ZFHX3: variants seen among roughly 807,000 people sequenced by gnomAD.
The protein encoded by ZFHX3 is zinc finger homeobox protein 3.
In ZFHX3, 42 loss-of-function variants were observed where a neutral mutation model predicts 279.1. That is an observed-to-expected ratio of 0.15 (90% confidence interval 0.12 to 0.19). ZFHX3 has a LOEUF of 0.19. ZFHX3 is among the 10% of genes least tolerant of loss of function. ZFHX3 has a pLI of 1.00. For synonymous variants in ZFHX3, 2,293 were observed against 1,957.8 expected (o/e 1.17, Z -4.52); for missense variants, 4,981 against 4,754.0 (o/e 1.05, Z -1.40).
At chr16:73,861,605 T>C (rs1028918315) in intron 1 of ZFHX3, among the ~76,000 whole-genome samples, 19 of 152,210 alleles carry the variant, frequency 1.2e-4, no homozygotes, top group South Asian at 2.1e-4. Flanking sequence ...TCCCACTCAC[T>C]CCCAGTAGTG....
chr16:72,849,130 C>T (rs957723218), intron 4 of ZFHX3, among the ~76,000 whole-genome samples: 6 of 152,210 alleles, frequency 3.9e-5, no homozygotes, highest in African/African-American at 1.2e-4. Context: ...GGCCAACGCC[C>T]GCCCTCCAGG....
At chr16:73,381,656 T>C (rs1322222469) in intron 3 of ZFHX3, among the ~76,000 whole-genome samples, 1 of 152,228 alleles carries the variant, frequency 6.6e-6, no homozygotes, top group Non-Finnish European at 1.5e-5. Flanking sequence ...GTAAATATTT[T>C]AGACCAGGAA....
At position 73,836,900 on chromosome 16, in the gene ZFHX3, T is replaced by G. The variant is rs1961156945; in HGVS notation, c.-1608+54751A>C. Among the ~76,000 whole-genome samples, 3 of 152,216 alleles carry G rather than the reference T, an allele frequency of 2.0e-5. No homozygotes were observed. The East Asian group carries it at 5.8e-4, about 29-fold the overall frequency. ...TGGGTTGTTATAAAGTGAGGTTGCC[T>G]CTCATCTTCTGCCTCCTTGGCAAGC... On this transcript the variant is annotated intron_variant, in intron 1 of 17. Coordinates refer to the ZFHX3 transcript ENST00000641206.
Position 72,959,348 on chromosome 16 carries a change from C to T in ZFHX3, c.798G>A (p.Leu266=). 6.2e-7 allele frequency: 1 copy of T among 1,614,242 alleles called. No individual in the cohort carries two copies. The highest frequency in any genetic ancestry group is 8.5e-7 in the Non-Finnish European group (1 of 1,180,042). Reference sequence around the variant, plus strand: ...AGAGCACAAAGCCATCGAATTTGGACAGGTCCACATTGTTGGGAACATCTT... The same window carrying T: ...AGAGCACAAAGCCATCGAATTTGGATAGGTCCACATTGTTGGGAACATCTT... ...VSKDVPNNVD[L]SKFDGFVLYG... is the part of the protein sequence containing the mutation. Residue 266 remains leucine (L), a synonymous_variant, in exon 2 of 10, where the codon CTG becomes CTA. Coordinates refer to ENST00000268489, the MANE Select transcript of ZFHX3 (RefSeq NM_006885.4).
At chr16:73,418,416 T>C (rs2017641946) in intron 3 of ZFHX3, among the ~76,000 whole-genome samples, 1 of 152,188 alleles carries the variant, frequency 6.6e-6, no homozygotes. Context: ...GAGAAGTGGG[T>C]ACCCAGGGAA....
At chr16:73,469,277 C>T (rs557295422) in intron 2 of ZFHX3, among the ~76,000 whole-genome samples, 1 of 152,198 alleles carries the variant, frequency 6.6e-6, no homozygotes, top group East Asian at 1.9e-4. Context: ...AACACTGGTC[C>T]AAGAGAACTT....
intron 5 of ZFHX3, among the ~76,000 whole-genome samples, chr16:73,193,218 T>C (rs1968080078): frequency 6.6e-6 from 1 of 152,166 alleles, no homozygotes; most frequent in Non-Finnish European, 1.5e-5. Flanking sequence ...CCTGAAGATG[T>C]GGGTCCTATT....
intron 7 of ZFHX3, among the ~76,000 whole-genome samples, chr16:72,802,715 A>G (rs1217073146): frequency 2.0e-5 from 3 of 152,182 alleles, no homozygotes; most frequent in African/African-American, 7.2e-5. Context: ...CTGCCTTGCT[A>G]CACAGGCTAC....
intron 1 of ZFHX3, among the ~76,000 whole-genome samples, chr16:73,037,253 G>T (rs1964943169): frequency 6.6e-6 from 1 of 152,164 alleles, no homozygotes. Flanking sequence ...CAAATATCCG[G>T]TTGCTATTCA....
chr16:73,174,863 C>CAAAAAAAAAA (rs34447211), intron 5 of ZFHX3, among the ~76,000 whole-genome samples: 15 of 86,758 alleles, frequency 1.7e-4, no homozygotes, highest in South Asian at 4.1e-4. Flanking sequence ...ACTAAAAATA[C>CAAAAAAAAAA]AAAAAAAAAA....
intron 2 of ZFHX3, among the ~76,000 whole-genome samples, chr16:73,555,449 C>T (rs1225514837): frequency 6.6e-6 from 1 of 151,982 alleles, no homozygotes; most frequent in Non-Finnish European, 1.5e-5. Context: ...CCACCGCGCC[C>T]GGCCGCCATG....
intron 2 of ZFHX3, among the ~76,000 whole-genome samples, chr16:73,461,942 A>G (rs2018478379): frequency 6.6e-6 from 1 of 152,192 alleles, no homozygotes; most frequent in Non-Finnish European, 1.5e-5. Context: ...GACTAAGCCT[A>G]TATATCAGTT....
chr16:73,037,722 G>C (rs1460413855), intron 1 of ZFHX3, among the ~76,000 whole-genome samples: 4 of 152,260 alleles, frequency 2.6e-5, no homozygotes, highest in African/African-American at 7.2e-5. Flanking sequence ...AGGGCACCCA[G>C]GAGCAGAAAT....
intron 4 of ZFHX3, among the ~76,000 whole-genome samples, chr16:73,279,912 A>C (rs2143057432): frequency 2.0e-5 from 3 of 152,352 alleles, no homozygotes; most frequent in Admixed American, 2.0e-4. Context: ...AAGGTTTGTG[A>C]AAAACAGATA....
intron 1 of ZFHX3, among the ~76,000 whole-genome samples, chr16:73,883,427 GTA>G (rs370660977): frequency 0.015 from 2,105 of 142,384 alleles, 63 homozygotes; most frequent in African/African-American, 0.052. Context: ...GTGTGTGTGT[GTA>G]TATGAATATG....
chr16:73,823,370 G>A (rs1260663238), intron 1 of ZFHX3, among the ~76,000 whole-genome samples: 1 of 152,072 alleles, frequency 6.6e-6, no homozygotes, highest in Non-Finnish European at 1.5e-5. Flanking sequence ...TGCAATCCCT[G>A]GGCCCATCCA....
intron 2 of ZFHX3, among the ~76,000 whole-genome samples, chr16:73,494,719 C>T (rs2019109868): frequency 7.0e-6 from 1 of 143,026 alleles, no homozygotes; most frequent in Non-Finnish European, 1.5e-5. Flanking sequence ...ACCACCATGA[C>T]CGGCTAATTT....
At chr16:73,288,934 GA>G (rs773717842) in intron 4 of ZFHX3, among the ~76,000 whole-genome samples, 15 of 148,204 alleles carry the variant, frequency 1.0e-4, no homozygotes, top group African/African-American at 1.7e-4. Flanking sequence ...TCTTCAAGGG[GA>G]AAAAAAACCC....
chr16:73,683,492 A>G (rs895236645), intron 1 of ZFHX3, among the ~76,000 whole-genome samples: 2 of 152,220 alleles, frequency 1.3e-5, no homozygotes, highest in African/African-American at 2.4e-5. Flanking sequence ...CCAACCCTCT[A>G]TAAAAGCCAA....
Sources: gnomAD v4.1 joint callset for allele counts (sites outside exome capture counted in the v4.1 genomes callset) on GRCh38, gnomAD v4.1.1 for gene constraint, MANE v1.5 for transcripts, NCBI Gene and HGNC (gene_info 2026-07-23, HGNC 2026-07-21) for gene names.